TRDN: variants seen among roughly 807,000 people sequenced by gnomAD.
TRDN encodes the protein triadin in skeletal muscle.
A neutral mutation model predicts 149.7 loss-of-function variants in TRDN; 161 were observed. The observed-to-expected ratio is 1.08, with a 90% CI of 0.95 to 1.23. The LOEUF is 1.23. Among genes scored for constraint, TRDN ranks in the 50% most tolerant of loss-of-function variants. The pLI, the probability that TRDN is intolerant of heterozygous loss-of-function variation, is 0.00. For missense variants in TRDN, 896 were observed against 823.5 expected (o/e 1.09, Z -1.08); for synonymous variants, 294 against 250.5 (o/e 1.17, Z -1.64).
intron 24 of TRDN, among the ~76,000 whole-genome samples, chr6:123,309,553 G>A (rs372364221): frequency 6.6e-5 from 10 of 152,004 alleles, no homozygotes; most frequent in South Asian, 2.1e-4. Context: ...TTCATGTATC[G>A]CTAGTATAAA....
chr6:123,464,345 T>G, intron 10 of TRDN: 1 of 975,736 alleles, frequency 1.0e-6, no homozygotes, highest in Non-Finnish European at 1.2e-6. Flanking sequence ...TATATAGTAC[T>G]TATAAACTAT....
intron 24 of TRDN, among the ~76,000 whole-genome samples, chr6:123,285,947 G>T (rs908431145): frequency 1.3e-5 from 2 of 151,830 alleles, no homozygotes; most frequent in Non-Finnish European, 2.9e-5. Flanking sequence ...TAATAATCAG[G>T]GAAACACAAA....
At chr6:123,504,041 T>C in intron 7 of TRDN, 140 bp from the exon 8 acceptor site, 1 of 892,420 alleles carries the variant, frequency 1.1e-6, no homozygotes, top group Non-Finnish European at 1.6e-6. Flanking sequence ...AGAACAGTAT[T>C]TTTCAGGAAA....
At chr6:123,606,735 C>G (rs1172623655) in intron 1 of TRDN, among the ~76,000 whole-genome samples, 3 of 152,078 alleles carry the variant, frequency 2.0e-5, no homozygotes, top group Non-Finnish European at 4.4e-5. Context: ...ATTTTAAAAA[C>G]TTTTATTATG....
chr6:123,283,686 G>A (rs1471569750), intron 24 of TRDN, among the ~76,000 whole-genome samples: 7 of 151,008 alleles, frequency 4.6e-5, no homozygotes, highest in African/African-American at 1.7e-4. Flanking sequence ...ACACACACAA[G>A]CTAGAAAACC....
At chr6:123,277,387 G>A (rs1462731031) in intron 26 of TRDN, among the ~76,000 whole-genome samples, 1 of 151,996 alleles carries the variant, frequency 6.6e-6, no homozygotes, top group Admixed American at 6.6e-5. Context: ...GGACTGTTAT[G>A]GATTTAATTG....
At chr6:123,619,628 G>A (rs541277713) in intron 1 of TRDN, among the ~76,000 whole-genome samples, 1 of 152,136 alleles carries the variant, frequency 6.6e-6, no homozygotes, top group African/African-American at 2.4e-5. Context: ...CCTCTCAAGA[G>A]AAGAAGAGTC....
At chr6:123,358,166 C>A (rs954572565) in intron 20 of TRDN, among the ~76,000 whole-genome samples, 2 of 151,878 alleles carry the variant, frequency 1.3e-5, no homozygotes, top group Non-Finnish European at 2.9e-5. Flanking sequence ...CTTTTTTCTA[C>A]TTTTGTAGAA....
intron 4 of TRDN, 21 bp downstream of exon 4, chr6:123,547,319 T>C: frequency 7.2e-7 from 1 of 1,396,764 alleles, no homozygotes; most frequent in Non-Finnish European, 9.6e-7. Flanking sequence ...ATAATTATTA[T>C]CAAAGGTGAA....
intron 1 of TRDN, among the ~76,000 whole-genome samples, chr6:123,582,324 G>C (rs1408641263): frequency 6.6e-6 from 1 of 152,048 alleles, no homozygotes; most frequent in Non-Finnish European, 1.5e-5. Context: ...TTAAGATAAG[G>C]AGTTATGGAT....
chr6:123,291,196 A>G (rs576298486), intron 24 of TRDN, among the ~76,000 whole-genome samples: 150 of 152,240 alleles, frequency 9.9e-4, no homozygotes, highest in African/African-American at 3.4e-3. Flanking sequence ...ATATAATAAA[A>G]GAGTAATTTT....
chr6:123,294,922 TACTCCCATAA>T (rs1454305120), intron 24 of TRDN, among the ~76,000 whole-genome samples: 6 of 152,148 alleles, frequency 3.9e-5, no homozygotes, highest in African/African-American at 1.4e-4. Flanking sequence ...AGGCAGGGCC[TACTCCCATAA>T]ACTCAGCAAG....
chr6:123,618,694 A>G (rs192084499), intron 1 of TRDN, among the ~76,000 whole-genome samples: 42 of 152,294 alleles, frequency 2.8e-4, no homozygotes, highest in African/African-American at 8.2e-4. Context: ...GAAATTAAGT[A>G]TTGCTCAAAA....
intron 23 of TRDN, among the ~76,000 whole-genome samples, chr6:123,321,213 T>C (rs577645870): frequency 9.2e-5 from 14 of 152,220 alleles, no homozygotes; most frequent in African/African-American, 3.4e-4. Context: ...TTCACGTTAA[T>C]GCAAACAGGA....
rs1027541771 is a variant in TRDN at position 123,349,446 on chromosome 6, T to C, written c.1369+3093A>G. Reference sequence around the variant, plus strand: ...ATTAAACAACCAAAGCACGAAGTATTGTCAAAAAGTTTAGAATTCACAGGA... The same window carrying C: ...ATTAAACAACCAAAGCACGAAGTATCGTCAAAAAGTTTAGAATTCACAGGA... On this transcript the variant is annotated intron_variant, in intron 21 of 40. Coordinates refer to ENST00000334268, the MANE Select transcript of TRDN (RefSeq NM_006073.4). 54 of 799,288 alleles carry C rather than the reference T, an allele frequency of 6.8e-5. No homozygotes were observed. The Admixed American group carries it at 7.5e-4, about 11-fold the overall frequency. 49.5% of individuals were successfully genotyped at this position (799,288 alleles called of 1,614,324 possible).
At chr6:123,230,625 T>C (rs964710493) in intron 38 of TRDN, among the ~76,000 whole-genome samples, 5 of 151,930 alleles carry the variant, frequency 3.3e-5, no homozygotes, top group Non-Finnish European at 7.4e-5. Context: ...CCTTATCATA[T>C]ATTTGCAAAA....
chr6:123,481,341 T>A (rs1398366028), intron 9 of TRDN, among the ~76,000 whole-genome samples: 4 of 151,098 alleles, frequency 2.6e-5, no homozygotes, highest in South Asian at 4.2e-4. Flanking sequence ...GTGTATGTCA[T>A]ATTTAAATTA....
At chr6:123,394,139 TC>T (rs1356809895) in intron 12 of TRDN, among the ~76,000 whole-genome samples, 1 of 152,068 alleles carries the variant, frequency 6.6e-6, no homozygotes, top group African/African-American at 2.4e-5. Flanking sequence ...AAAATGCCCT[TC>T]CCTAAACTGC....
At chr6:123,530,033 G>A (rs993611120) in intron 5 of TRDN, among the ~76,000 whole-genome samples, 1 of 151,902 alleles carries the variant, frequency 6.6e-6, no homozygotes, top group Non-Finnish European at 1.5e-5. Context: ...TCTACCTCTT[G>A]AGGCTGTGCA....
Sources: allele counts gnomAD v4.1 joint callset (sites outside exome capture counted in the v4.1 genomes callset), GRCh38; gene constraint gnomAD v4.1.1; transcripts MANE v1.5; gene names NCBI Gene and HGNC (gene_info 2026-07-23, HGNC 2026-07-21).